Variants in PTPRD observed in about 807,000 individuals in gnomAD.
The protein encoded by PTPRD is protein tyrosine phosphatase receptor type D.
In PTPRD, 34 loss-of-function variants were observed where a neutral mutation model predicts 214.5. The ratio of observed to expected loss-of-function variants is 0.16; its 90% CI spans 0.12 to 0.21. The LOEUF (loss-of-function observed/expected upper bound fraction) is 0.21. Ranked by LOEUF, PTPRD falls within the 10% of genes least tolerant of loss-of-function variation. PTPRD has a pLI of 1.00. For missense variants in PTPRD, 2,545 were observed against 2,398.7 expected (o/e 1.06, Z -1.27); for synonymous variants, 1,128 against 845.7 (o/e 1.33, Z -5.79).
intron 11 of PTPRD, among the ~76,000 whole-genome samples, chr9:8,858,828 CAT>C (rs1491361782): frequency 0.036 from 4,929 of 136,050 alleles, 128 homozygotes; most frequent in South Asian, 0.099. Flanking sequence ...CACACACACA[CAT>C]ACACACACAC....
In PTPRD at chr9:8,504,387, G is replaced by A. The variant is rs766752448; in HGVS notation, c.1696C>T (p.Pro566Ser). 6.2e-7 allele frequency: 1 copy of A among 1,614,048 alleles called. No homozygotes were observed. Among genetic ancestry groups the A allele is most frequent in the Non-Finnish European group, 8.5e-7 (1 of 1,179,974 alleles). Residue 566 changes from proline (P) to serine (S), a missense_variant, in exon 23 of 46, where the codon CCA becomes TCA. Physicochemically the swap from Pro to Ser is moderately conservative, Grantham distance 74. Transcript: ENST00000381196. ...CCTTGCAGCCTATATGATGTCCCTG[G>A]CTCAATGGTAATTCGTTGCTGGAAG... Reference protein sequence around the residue: ...HGEEQRITIEPGTSYRLQGLK... With the variant: ...HGEEQRITIESGTSYRLQGLK...
intron 3 of PTPRD, among the ~76,000 whole-genome samples, chr9:10,079,116 AATTCTTTT>A (rs2098187323): frequency 6.6e-6 from 1 of 152,062 alleles, no homozygotes; most frequent in African/African-American, 2.4e-5. Flanking sequence ...TAAGAGACCA[AATTCTTTT>A]ATTGCTATCC....
intron 12 of PTPRD, among the ~76,000 whole-genome samples, chr9:8,673,486 A>T (rs953139281): frequency 6.6e-6 from 1 of 152,178 alleles, no homozygotes; most frequent in Non-Finnish European, 1.5e-5. Flanking sequence ...TATAAAAGAA[A>T]ATATGAACCT....
intron 8 of PTPRD, among the ~76,000 whole-genome samples, chr9:9,483,617 C>G (rs543883027): frequency 1.3e-5 from 2 of 152,066 alleles, no homozygotes; most frequent in East Asian, 3.9e-4. Context: ...TGGTCTTTGT[C>G]TCATTGCTAG....
At chr9:9,726,313 CA>C (rs1258182445) in intron 7 of PTPRD, among the ~76,000 whole-genome samples, 1 of 152,186 alleles carries the variant, frequency 6.6e-6, no homozygotes, top group African/African-American at 2.4e-5. Flanking sequence ...CCAAATCATA[CA>C]CCTTCCCAGG....
chr9:9,837,670 G>A (rs968745059), intron 5 of PTPRD, among the ~76,000 whole-genome samples: 1 of 152,122 alleles, frequency 6.6e-6, no homozygotes, highest in African/African-American at 2.4e-5. Flanking sequence ...AGTGACATGA[G>A]GGGAGTGGCT....
Position 8,339,052 on chromosome 9 carries a change from A to T in PTPRD, c.5254-5T>A. ...CCAGTATTGGTGACATTTCTCCTAAAAGGAGAGAAGATTAATGTTAAACTA... is the reference window on the plus strand; with the variant it reads ...CCAGTATTGGTGACATTTCTCCTAATAGGAGAGAAGATTAATGTTAAACTA... On this transcript the variant is annotated splice_region_variant and splice_polypyrimidine_tract_variant and intron_variant, in intron 42 of 45. Transcript: ENST00000381196. The T allele has an allele frequency of 6.2e-7, 1 of 1,609,882 alleles. No individual in the cohort carries two copies. The highest frequency in any genetic ancestry group is 8.5e-7 in the Non-Finnish European group (1 of 1,177,236).
intron 39 of PTPRD, among the ~76,000 whole-genome samples, 190 bp downstream of exon 39, chr9:8,375,746 T>C (rs772997015): frequency 2.6e-5 from 4 of 152,078 alleles, no homozygotes; most frequent in Non-Finnish European, 5.9e-5. Context: ...ACCTACTATC[T>C]CCAGGGGAAA....
At chr9:8,842,884 C>T (rs1385259951) in intron 11 of PTPRD, among the ~76,000 whole-genome samples, 1 of 152,270 alleles carries the variant, frequency 6.6e-6, no homozygotes, top group East Asian at 1.9e-4. Context: ...CCTGCTCCGT[C>T]GGCCATCCTA....
At chr9:9,181,940 G>C (rs1373808) in intron 10 of PTPRD, among the ~76,000 whole-genome samples, 24,483 of 151,968 alleles carry the variant, frequency 0.16, 2,490 homozygotes, top group Admixed American at 0.27. Flanking sequence ...CTTGGAAAAT[G>C]GAAACTGATT....
At chr9:9,202,529 A>G (rs1290346464) in intron 9 of PTPRD, among the ~76,000 whole-genome samples, 2 of 152,186 alleles carry the variant, frequency 1.3e-5, no homozygotes, top group African/African-American at 4.8e-5. Flanking sequence ...AAGAGGCCAC[A>G]TTACATCAGA....
At chr9:8,908,907 C>G (rs2098727130) in intron 11 of PTPRD, among the ~76,000 whole-genome samples, 1 of 150,240 alleles carries the variant, frequency 6.7e-6, no homozygotes, top group Non-Finnish European at 1.5e-5. Flanking sequence ...ATGCTACAGC[C>G]TCATAATTAA....
At chr9:9,986,895 A>T (rs1588212191) in intron 4 of PTPRD, among the ~76,000 whole-genome samples, 1 of 148,596 alleles carries the variant, frequency 6.7e-6, no homozygotes, top group African/African-American at 2.6e-5. Flanking sequence ...TAGATTTCAT[A>T]TTTTTTTTTT....
At chr9:9,922,395 C>G (rs1466224391) in intron 5 of PTPRD, among the ~76,000 whole-genome samples, 1 of 152,066 alleles carries the variant, frequency 6.6e-6, no homozygotes, top group Non-Finnish European at 1.5e-5. Flanking sequence ...GGACCTGTAA[C>G]CTTCTTTCCC....
chr9:9,025,326 G>A lies in PTPRD; in HGVS notation c.-142-6591C>T, dbSNP rs150687702. 1.8e-4 allele frequency among the ~76,000 whole-genome samples: 27 copies of A among 152,112 alleles called. No individual in the cohort carries two copies. The East Asian group carries it at 5.2e-3, about 29-fold the overall frequency. Reference sequence around the variant, plus strand: ...TTTGTGAAAGACTTTCCTATGTTCTGATAAGCTGACCAATGCTTTGTCTTA... The same window carrying A: ...TTTGTGAAAGACTTTCCTATGTTCTAATAAGCTGACCAATGCTTTGTCTTA... On this transcript the variant is annotated intron_variant, in intron 10 of 45. Transcript: ENST00000381196.
chr9:9,191,823 AT>A (rs1305210607), intron 9 of PTPRD, among the ~76,000 whole-genome samples: 2 of 152,124 alleles, frequency 1.3e-5, no homozygotes, highest in Non-Finnish European at 2.9e-5. Flanking sequence ...TTAAGATATA[AT>A]TAAACATATA....
intron 8 of PTPRD, among the ~76,000 whole-genome samples, chr9:9,500,827 G>C (rs2096388489): frequency 6.6e-6 from 1 of 151,964 alleles, no homozygotes; most frequent in Non-Finnish European, 1.5e-5. Flanking sequence ...TGTTACAATA[G>C]ATGTAGAATT....
In PTPRD at chr9:9,009,004, A is replaced by G. The variant is rs143814596; in HGVS notation, c.-104+9693T>C. 1.8e-4 allele frequency among the ~76,000 whole-genome samples: 27 copies of G among 152,270 alleles called. No homozygotes were observed. The East Asian group carries it at 5.2e-3, about 29-fold the overall frequency. On this transcript the variant is annotated intron_variant, in intron 11 of 45. Coordinates refer to ENST00000381196, the MANE Select transcript of PTPRD (RefSeq NM_002839.4). ...AAGAACTAAAGTAGTGTTTGGCATA[A>G]CAGCTTCAGATGAAATCTATTTGAA... is the stretch of plus-strand genomic sequence containing the variant.
chr9:9,697,342 T>C (rs2097397595), intron 7 of PTPRD, among the ~76,000 whole-genome samples: 1 of 152,072 alleles, frequency 6.6e-6, no homozygotes, highest in Non-Finnish European at 1.5e-5. Flanking sequence ...AAAAACTCCC[T>C]ACAGAATTTC....
Sources: allele counts gnomAD v4.1 joint callset (sites outside exome capture counted in the v4.1 genomes callset), GRCh38; gene constraint gnomAD v4.1.1; transcripts MANE v1.5; gene names NCBI Gene and HGNC (gene_info 2026-07-23, HGNC 2026-07-21).